TMEM132C: variants seen among roughly 807,000 people sequenced by gnomAD.
TMEM132C encodes transmembrane protein 132C.
In TMEM132C, 29 loss-of-function variants were observed where a neutral mutation model predicts 61.4. The ratio of observed to expected loss-of-function variants is 0.47; its 90% CI spans 0.35 to 0.64. TMEM132C has a LOEUF of 0.64. TMEM132C is among the 30% of genes least tolerant of loss of function. The pLI, the probability that TMEM132C is intolerant of heterozygous loss-of-function variation, is 0.00. For synonymous variants in TMEM132C, 656 were observed against 633.1 expected (o/e 1.04, Z -0.54); for missense variants, 1,408 against 1,476.9 (o/e 0.95, Z 0.76).
chr12:128,565,610 A>G (rs924887147), intron 3 of TMEM132C, among the ~76,000 whole-genome samples: 16 of 152,344 alleles, frequency 1.1e-4, no homozygotes, highest in African/African-American at 3.8e-4. Flanking sequence ...GATCATCACA[A>G]TAAACCTTTG....
At chr12:128,572,506 TGTGGCCTCTG>T (rs1462977333) in intron 3 of TMEM132C, among the ~76,000 whole-genome samples, 1 of 152,006 alleles carries the variant, frequency 6.6e-6, no homozygotes, top group Non-Finnish European at 1.5e-5. Context: ...ACATGGCCAC[TGTGGCCTCTG>T]CTGGCCTCTG....
chr12:128,267,226 G>A lies in TMEM132C; in HGVS notation c.-177G>A, dbSNP rs1268027265. 6.8e-6 allele frequency among the ~76,000 whole-genome samples: 1 copy of A among 147,108 alleles called. No individual in the cohort carries two copies. The highest frequency in any genetic ancestry group is 6.7e-5 in the Admixed American group (1 of 14,824). On this transcript the variant is annotated 5_prime_UTR_variant, in exon 1 of 9. Coordinates refer to ENST00000435159, the MANE Select transcript of TMEM132C (RefSeq NM_001136103.3). ...GGCGGAGCCGGAGCCGCCAGAGCCA[G>A]AGCCGGAGCTGCGGCGGCGTGGACC...
At chr12:128,379,484 C>A (rs1291730294) in intron 1 of TMEM132C, among the ~76,000 whole-genome samples, 6 of 152,188 alleles carry the variant, frequency 3.9e-5, no homozygotes, top group Non-Finnish European at 8.8e-5. Context: ...CCTGTCAGTT[C>A]TAGAGGCAAC....
intron 4 of TMEM132C, among the ~76,000 whole-genome samples, chr12:128,620,965 T>A (rs1953958151): frequency 6.6e-6 from 1 of 152,088 alleles, no homozygotes; most frequent in African/African-American, 2.4e-5. Flanking sequence ...CTCTGGGGTG[T>A]CATAGAGATT....
At chr12:128,573,187 G>T (rs1874956060) in intron 3 of TMEM132C, among the ~76,000 whole-genome samples, 1 of 152,190 alleles carries the variant, frequency 6.6e-6, no homozygotes, top group Admixed American at 6.5e-5. Flanking sequence ...CAATAGCAAA[G>T]ACTTGGAACC....
intron 2 of TMEM132C, among the ~76,000 whole-genome samples, chr12:128,492,687 G>A (rs945303493): frequency 6.6e-6 from 1 of 152,052 alleles, no homozygotes; most frequent in African/African-American, 2.4e-5. Context: ...TGTCCACTTT[G>A]TGATGGGGTT....
intron 3 of TMEM132C, among the ~76,000 whole-genome samples, chr12:128,592,234 A>G (rs1875779582): frequency 6.6e-6 from 1 of 152,130 alleles, no homozygotes; most frequent in Non-Finnish European, 1.5e-5. Flanking sequence ...GTCATCACAC[A>G]GCACCATGCT....
At chr12:128,467,284 A>G (rs1402618637) in intron 2 of TMEM132C, among the ~76,000 whole-genome samples, 1 of 152,212 alleles carries the variant, frequency 6.6e-6, no homozygotes, top group Non-Finnish European at 1.5e-5. Context: ...GAACAATGGG[A>G]GAATGGCAGC....
In TMEM132C at chr12:128,511,386, G is replaced by A. The variant is rs113778366; in HGVS notation, c.975-32571G>A. ...CACTTCTGACACCATTTCAAGTTTA[G>A]GGAGTTCCCAAACCATCGTTAGGTT... On this transcript the variant is annotated intron_variant, in intron 2 of 8. Transcript: ENST00000435159. Among the ~76,000 whole-genome samples, 1,123 of 152,316 alleles carry A rather than the reference G, an allele frequency of 7.4e-3. 14 individuals are homozygous for A. Among genetic ancestry groups the A allele is most frequent in the African/African-American group, 0.026 (1,077 of 41,554 alleles).
chr12:128,508,042 C>T (rs75350219), intron 2 of TMEM132C, among the ~76,000 whole-genome samples: 2,153 of 152,174 alleles, frequency 0.014, 47 homozygotes, highest in African/African-American at 0.05. Flanking sequence ...CACCTTGACA[C>T]CCTTGGTTTG....
At chr12:128,318,960 C>A (rs1477049585) in intron 1 of TMEM132C, among the ~76,000 whole-genome samples, 1 of 152,184 alleles carries the variant, frequency 6.6e-6, no homozygotes, top group Non-Finnish European at 1.5e-5. Flanking sequence ...CCCCCCAGAC[C>A]TTACTTCCCC....
chr12:128,273,767 T>C (rs1870595392), intron 1 of TMEM132C, among the ~76,000 whole-genome samples: 1 of 152,230 alleles, frequency 6.6e-6, no homozygotes, highest in Admixed American at 6.5e-5. Flanking sequence ...TGCATTCAAA[T>C]TATGTTACGG....
At chr12:128,552,036 G>C (rs181591635) in intron 3 of TMEM132C, among the ~76,000 whole-genome samples, 1 of 152,234 alleles carries the variant, frequency 6.6e-6, no homozygotes, top group Non-Finnish European at 1.5e-5. Context: ...GGGGGACTCC[G>C]TGTTGGGAAT....
At chr12:128,653,381 G>T (rs1415466157) in intron 4 of TMEM132C, among the ~76,000 whole-genome samples, 1 of 152,158 alleles carries the variant, frequency 6.6e-6, no homozygotes, top group African/African-American at 2.4e-5. Flanking sequence ...TTAAATGTGT[G>T]CATCGTATGG....
chr12:128,338,533 C>T (rs1240217685), intron 1 of TMEM132C, among the ~76,000 whole-genome samples: 3 of 152,058 alleles, frequency 2.0e-5, no homozygotes, highest in African/African-American at 7.3e-5. Flanking sequence ...TGCTCACCAG[C>T]GTGTCGCATG....
intron 2 of TMEM132C, among the ~76,000 whole-genome samples, chr12:128,543,539 C>G (rs750267809): frequency 6.6e-6 from 1 of 152,060 alleles, no homozygotes; most frequent in Non-Finnish European, 1.5e-5. Flanking sequence ...CTCCTCACTT[C>G]CCTACTGGAT....
At chr12:128,356,087 G>A (rs980197608) in intron 1 of TMEM132C, among the ~76,000 whole-genome samples, 6 of 152,210 alleles carry the variant, frequency 3.9e-5, no homozygotes, top group Non-Finnish European at 5.9e-5. Context: ...TGTGTCCAAG[G>A]AATGATGGAA....
intron 4 of TMEM132C, among the ~76,000 whole-genome samples, chr12:128,652,511 A>G (rs1031833449): frequency 2.0e-5 from 3 of 152,252 alleles, no homozygotes; most frequent in African/African-American, 7.2e-5. Flanking sequence ...ACACCATCCA[A>G]GAACGTTTAC....
At chr12:128,276,438 C>A (rs966431722) in intron 1 of TMEM132C, among the ~76,000 whole-genome samples, 1 of 152,076 alleles carries the variant, frequency 6.6e-6, no homozygotes, top group African/African-American at 2.4e-5. Flanking sequence ...AACAGAGAGC[C>A]AAAGGTTTAT....
Sources: gnomAD v4.1 joint callset for allele counts (sites outside exome capture counted in the v4.1 genomes callset) on GRCh38, gnomAD v4.1.1 for gene constraint, MANE v1.5 for transcripts, NCBI Gene and HGNC (gene_info 2026-07-23, HGNC 2026-07-21) for gene names.